Variants in KCNA5 observed in about 807,000 individuals in gnomAD.
The protein encoded by KCNA5 is cardiac potassium channel.
In KCNA5, 22 loss-of-function variants were observed where a neutral mutation model predicts 26.5. The observed-to-expected ratio is 0.83, with a 90% confidence interval of 0.59 to 1.18. KCNA5 has a LOEUF of 1.18. KCNA5 is among the 50% of genes most tolerant of loss of function. KCNA5 has a pLI of 0.00. For missense variants in KCNA5, 916 were observed against 843.2 expected, an observed-to-expected ratio of 1.09 and a Z score of -1.07; for synonymous variants, 465 against 372.8, an observed-to-expected ratio of 1.25 and a Z score of -2.85.
Position 5,044,058 on chromosome 12 carries a change from G to A in KCNA5, c.-90G>A. On this transcript the variant is annotated 5_prime_UTR_variant, in exon 1 of 1. Transcript: ENST00000252321. Reference sequence around the variant, plus strand: ...AGAGAGGGGCCGGCCGACCGCTGGAGCGGAGCCTGACGCCAGGCGCCCGCG... The same window carrying A: ...AGAGAGGGGCCGGCCGACCGCTGGAACGGAGCCTGACGCCAGGCGCCCGCG... 1 of 1,432,100 alleles carries A rather than the reference G, an allele frequency of 7.0e-7. No individual in the cohort carries two copies. The highest frequency in any genetic ancestry group is 1.2e-5 in the South Asian group (1 of 81,084). 88.7% of individuals were successfully genotyped at this position (1,432,100 alleles called of 1,614,324 possible).
Position 5,045,738 on chromosome 12 carries a change from G to C in KCNA5, c.1591G>C (p.Glu531Gln). The change falls in exon 1 of 1, where the codon GAG becomes CAG. Residue 531 changes from glutamate to glutamine, a missense_variant. Coordinates refer to ENST00000252321, the MANE Select transcript of KCNA5 (RefSeq NM_002234.4). The surrounding 1 kb of genome is among the most constrained non-coding windows in gnomAD (Gnocchi z 5.6). ...CTACCACCGGGAAACGGATCACGAG[G>C]AGCCGGCAGTCCTTAAGGAAGAGCA... ...YFYHRETDHEEPAVLKEEQGT... is the reference protein window; with the variant it reads ...YFYHRETDHEQPAVLKEEQGT... The C allele has an allele frequency of 6.2e-7, 1 of 1,614,154 alleles. No homozygotes were observed. The highest frequency in any genetic ancestry group is 8.5e-7 in the Non-Finnish European group (1 of 1,180,038).
At position 5,044,601 on chromosome 12, in the gene KCNA5, C is replaced by A. The variant is rs751395749; in HGVS notation, c.454C>A (p.Arg152Ser). 10 of 1,613,952 alleles carry A rather than the reference C, an allele frequency of 6.2e-6. No individual in the cohort carries two copies. The highest frequency in any genetic ancestry group is 1.3e-5 in the African/African-American group (1 of 74,930). ...CACACTCCTGGGGGACCCCGCCAAG[C>A]GCCTGCGCTACTTCGACCCCCTGAG... ...PNTLLGDPAK[R>S]LRYFDPLRNE... Residue 152 changes from arginine (R) to serine (S), a missense_variant, in exon 1 of 1, where the codon CGC becomes AGC. Arg to Ser is a moderately radical substitution (Grantham distance 110). Transcript: ENST00000252321.
chr12:5,044,128 A>G lies in KCNA5; in HGVS notation c.-20A>G. The G allele has an allele frequency of 6.5e-7, 1 of 1,533,944 alleles. No homozygotes were observed. Among genetic ancestry groups the G allele is most frequent in the Non-Finnish European group, 8.7e-7 (1 of 1,146,346 alleles). ...GGGAGCCGGTCAGCTGGGGCGCAGCATGCCCTCTGCTCCCGCGCCATGGAG... is the reference window on the plus strand; with the variant it reads ...GGGAGCCGGTCAGCTGGGGCGCAGCGTGCCCTCTGCTCCCGCGCCATGGAG... On this transcript the variant is annotated 5_prime_UTR_variant, in exon 1 of 1. It removes an upstream start codon present in the reference 5' UTR. Transcript: ENST00000252321.
rs765380398 is a variant in KCNA5 at position 5,044,749 on chromosome 12, G to T, written c.602G>T (p.Arg201Leu). Residue 201 changes from arginine to leucine, a missense_variant, in exon 1 of 1, where the codon CGC becomes CTC. Arg to Leu is a moderately radical substitution (Grantham distance 102). Coordinates refer to ENST00000252321, the MANE Select transcript of KCNA5 (RefSeq NM_002234.4). ...CTGGACGTGTTCGCGGACGAGATAC[G>T]CTTCTACCAGCTGGGGGACGAGGCC... ...VSLDVFADEI[R>L]FYQLGDEAME... The T allele has an allele frequency of 3.1e-6, 5 of 1,613,998 alleles. No individual in the cohort carries two copies. Among genetic ancestry groups the T allele is most frequent in the African/African-American group, 1.3e-5 (1 of 74,924 alleles).
At position 5,044,327 on chromosome 12, in the gene KCNA5, G is replaced by T; in HGVS notation, c.180G>T (p.Ala60=). ...AGGGGCGCGGCGCGCAGAGAGACGC[G>T]GACTCGGGAGTGCGGCCCTTGCCTC... is the stretch of plus-strand genomic sequence containing the variant. ...APKGRGAQRD[A]DSGVRPLPPL... Residue 60 remains alanine, a synonymous_variant, in exon 1 of 1, where the codon GCG becomes GCT. Transcript: ENST00000252321. 1 of 1,550,704 alleles carries T rather than the reference G, an allele frequency of 6.4e-7. No individual in the cohort carries two copies.
Position 5,044,532 on chromosome 12 carries a change from C to A in KCNA5, c.385C>A (p.Leu129Met). 6.2e-7 allele frequency: 1 copy of A among 1,613,712 alleles called. No individual in the cohort carries two copies. Among genetic ancestry groups the A allele is most frequent in the Non-Finnish European group, 8.5e-7 (1 of 1,179,946 alleles). The change falls in exon 1 of 1, where the codon CTG (leucine) becomes ATG (methionine). Residue 129 changes from leucine to methionine, a missense_variant. Coordinates refer to ENST00000252321, the MANE Select transcript of KCNA5 (RefSeq NM_002234.4). ...HQRVHINISG[L>M]RFETQLGTLA... Reference sequence around the variant, plus strand: ...GCGCGTCCACATCAACATCTCCGGGCTGCGCTTTGAGACGCAGCTGGGCAC... The same window carrying A: ...GCGCGTCCACATCAACATCTCCGGGATGCGCTTTGAGACGCAGCTGGGCAC...
chr12:5,045,121 T>TCATC lies in KCNA5; in HGVS notation c.975_978dup (p.Val327HisfsTer133). On this transcript the variant is annotated frameshift_variant, in exon 1 of 1. Coordinates refer to ENST00000252321, the MANE Select transcript of KCNA5 (RefSeq NM_002234.4). LOFTEE classifies it high-confidence loss of function. This position sits in a 1 kb window ranked among gnomAD's most constrained non-coding sequence, Gnocchi z 5.6. ...CCCAGGACCCTGGCCGACCCCTTCT[T>TCATC]CATCGTGGAGACCACGTGCGTCATC... is the stretch of plus-strand genomic sequence containing the variant. 6.2e-7 allele frequency: 1 copy of TCATC among 1,613,900 alleles called. No individual in the cohort carries two copies. The highest frequency in any genetic ancestry group is 8.5e-7 in the Non-Finnish European group (1 of 1,179,962).
chr12:5,044,456 C>A lies in KCNA5; in HGVS notation c.309C>A (p.Gly103=). 1 of 1,610,980 alleles carries A rather than the reference C, an allele frequency of 6.2e-7. No individual in the cohort carries two copies. Among genetic ancestry groups the A allele is most frequent in the Non-Finnish European group, 8.5e-7 (1 of 1,179,100 alleles). Residue 103 remains glycine (G), a synonymous_variant, in exon 1 of 1, where the codon GGC becomes GGA. Coordinates refer to ENST00000252321, the MANE Select transcript of KCNA5 (RefSeq NM_002234.4). ...ACGAGGAGGAAGAAGGCGATCCCGG[C>A]CTGGGCACGGTGGAGGACCAGGCTC... ...PEDEEEEGDP[G]LGTVEDQALG...
Position 5,044,510 on chromosome 12 carries a change from C to T in KCNA5, c.363C>T (p.Arg121=). The change falls in exon 1 of 1, where the codon CGC becomes CGT. Residue 121 remains arginine (R), a synonymous_variant. Coordinates refer to ENST00000252321, the MANE Select transcript of KCNA5 (RefSeq NM_002234.4). ...GCACGGCGTCCCTGCACCACCAGCG[C>T]GTCCACATCAACATCTCCGGGCTGC... is the stretch of plus-strand genomic sequence containing the variant. The part of the protein sequence containing the change: ...ALGTASLHHQ[R]VHINISGLRF... 1 of 1,612,972 alleles carries T rather than the reference C, an allele frequency of 6.2e-7. No individual in the cohort carries two copies.
rs1862741364 is a variant in KCNA5 at position 5,044,191 on chromosome 12, C to T, written c.44C>T (p.Thr15Ile). 5 of 1,537,356 alleles carry T rather than the reference C, an allele frequency of 3.3e-6. No homozygotes were observed. In the African/African-American group the frequency reaches 4.1e-5, roughly 13 times the overall value. The part of the protein sequence containing the change: ...LVPLENGGAM[T>I]VRGGDEARAG... ...CCCCTGGAGAACGGCGGTGCCATGA[C>T]CGTCAGAGGAGGCGATGAGGCCCGG... Residue 15 changes from threonine to isoleucine, a missense_variant, in exon 1 of 1, where the codon ACC (threonine) becomes ATC (isoleucine). Transcript: ENST00000252321.
chr12:5,046,372 T>C lies in KCNA5; in HGVS notation c.*383T>C. On this transcript the variant is annotated 3_prime_UTR_variant, in exon 1 of 1. Coordinates refer to ENST00000252321, the MANE Select transcript of KCNA5 (RefSeq NM_002234.4). ...ATGTGTTCCAAATTTGCTTTACATA[T>C]GATTGTATTTGTGTATAGGGGAAAA... 3 of 286,810 alleles carry C rather than the reference T, an allele frequency of 1.0e-5. No homozygotes were observed. In the South Asian group the frequency reaches 1.5e-4, roughly 14 times the overall value. 17.8% of individuals were successfully genotyped at this position (286,810 alleles called of 1,614,324 possible). A position where few individuals can be genotyped will look rare whatever the true frequency, so the allele number is the denominator to read the frequency against.
Position 5,046,050 on chromosome 12 carries a change from A to G in KCNA5, c.*61A>G. On this transcript the variant is annotated 3_prime_UTR_variant, in exon 1 of 1. Coordinates refer to ENST00000252321, the MANE Select transcript of KCNA5 (RefSeq NM_002234.4). ...GGAATGGGAGGCTTGCTGAACATGG[A>G]TATCTACATTATACCGCAGAGTATT... The G allele has an allele frequency of 6.3e-7, 1 of 1,589,534 alleles. No homozygotes were observed. Among genetic ancestry groups the G allele is most frequent in the Admixed American group, 1.7e-5 (1 of 59,534 alleles).
At position 5,045,599 on chromosome 12, in the gene KCNA5, G is replaced by A; in HGVS notation, c.1452G>A (p.Gly484=). ...TCACCATGACCACTGTGGGCTACGGGGACATGAGGCCCATCACTGTTGGGG... is the reference window on the plus strand; with the variant it reads ...TCACCATGACCACTGTGGGCTACGGAGACATGAGGCCCATCACTGTTGGGG... The part of the protein sequence containing the change: ...AVVTMTTVGY[G]DMRPITVGGK... Residue 484 remains glycine, a synonymous_variant, in exon 1 of 1, where the codon GGG becomes GGA. Transcript: ENST00000252321. The surrounding 1 kb of genome is among the most constrained non-coding windows in gnomAD (Gnocchi z 5.6). 1 of 1,614,226 alleles carries A rather than the reference G, an allele frequency of 6.2e-7. No individual in the cohort carries two copies. The highest frequency in any genetic ancestry group is 1.3e-5 in the African/African-American group (1 of 75,064).
chr12:5,046,286 A>G lies in KCNA5; in HGVS notation c.*297A>G. 1 of 447,318 alleles carries G rather than the reference A, an allele frequency of 2.2e-6. No homozygotes were observed. Among genetic ancestry groups the G allele is most frequent in the South Asian group, 2.4e-5 (1 of 41,486 alleles). The allele number at this position is 447,318 out of a possible 1,614,324, so 27.7% of individuals were successfully genotyped here. On this transcript the variant is annotated 3_prime_UTR_variant, in exon 1 of 1. Transcript: ENST00000252321. The stretch of plus-strand genomic sequence containing the variant: ...GTCTCCTATACCCAGCAGAGGGATA[A>G]CCCAAACAAAAATGACTCTAAATAG...
At position 5,044,793 on chromosome 12, in the gene KCNA5, G is replaced by C. The variant is rs761101833; in HGVS notation, c.646G>C (p.Asp216His). 10 of 1,614,188 alleles carry C rather than the reference G, an allele frequency of 6.2e-6. 1 individual carries two copies. In the South Asian group the frequency reaches 1.1e-4, roughly 18 times the overall value. The change falls in exon 1 of 1, where the codon GAT becomes CAT. Residue 216 changes from aspartate to histidine, a missense_variant. Transcript: ENST00000252321. ...GDEAMERFRE[D>H]EGFIKEEEKP... ...CGAGGCCATGGAGCGCTTCCGCGAG[G>C]ATGAGGGCTTCATTAAAGAAGAGGA...
rs17215402 is a variant in KCNA5 at position 5,045,076 on chromosome 12, C to T, written c.929C>T (p.Pro310Leu). 10,835 of 1,613,068 alleles carry T rather than the reference C, an allele frequency of 6.7e-3. 44 individuals are homozygous for T. The highest frequency in any genetic ancestry group is 8.1e-3 in the Non-Finnish European group (9,594 of 1,179,650). ...GSGVMAPPSG[P>L]TVAPLLPRTL... ...GGGGTCATGGCCCCGCCCTCTGGCCCTACGGTGGCACCGCTCCTGCCCAGG... is the reference window on the plus strand; with the variant it reads ...GGGGTCATGGCCCCGCCCTCTGGCCTTACGGTGGCACCGCTCCTGCCCAGG... The change falls in exon 1 of 1, where the codon CCT (proline) becomes CTT (leucine). Residue 310 changes from proline to leucine, a missense_variant. Physicochemically the swap from Pro to Leu is moderately conservative, Grantham distance 98. Coordinates refer to ENST00000252321, the MANE Select transcript of KCNA5 (RefSeq NM_002234.4). This position sits in a 1 kb window ranked among gnomAD's most constrained non-coding sequence, Gnocchi z 5.6.
chr12:5,045,173 C>T lies in KCNA5; in HGVS notation c.1026C>T (p.Arg342=). The stretch of plus-strand genomic sequence containing the variant: ...GGTTCACCTTCGAGCTGCTCGTGCG[C>T]TTCTTCGCCTGCCCCAGCAAGGCAG... ...VIWFTFELLV[R]FFACPSKAGF... is the part of the protein sequence containing the mutation. The change falls in exon 1 of 1, where the codon CGC becomes CGT. Residue 342 remains arginine (R), a synonymous_variant. Transcript: ENST00000252321. This position sits in a 1 kb window ranked among gnomAD's most constrained non-coding sequence, Gnocchi z 5.6. 4 of 1,614,186 alleles carry T rather than the reference C, an allele frequency of 2.5e-6. No homozygotes were observed. Among genetic ancestry groups the T allele is most frequent in the Non-Finnish European group, 3.4e-6 (4 of 1,180,040 alleles).
In KCNA5 at chr12:5,045,134, C is replaced by A. The variant is rs1295313708; in HGVS notation, c.987C>A (p.Thr329=). The change falls in exon 1 of 1, where the codon ACC becomes ACA. Residue 329 remains threonine (T), a synonymous_variant. Coordinates refer to ENST00000252321, the MANE Select transcript of KCNA5 (RefSeq NM_002234.4). The surrounding 1 kb of genome is among the most constrained non-coding windows in gnomAD (Gnocchi z 5.6). The stretch of plus-strand genomic sequence containing the variant: ...CCGACCCCTTCTTCATCGTGGAGAC[C>A]ACGTGCGTCATCTGGTTCACCTTCG... The part of the protein sequence containing the change: ...TLADPFFIVE[T]TCVIWFTFEL... 1 of 1,613,976 alleles carries A rather than the reference C, an allele frequency of 6.2e-7. No individual in the cohort carries two copies. Among genetic ancestry groups the A allele is most frequent in the African/African-American group, 1.3e-5 (1 of 74,930 alleles).
rs1229050065 is a variant in KCNA5 at position 5,045,657 on chromosome 12, G to A, written c.1510G>A (p.Gly504Arg). The change falls in exon 1 of 1, where the codon GGG becomes AGG. Residue 504 changes from glycine to arginine, a missense_variant. By Grantham distance (125) the Gly-to-Arg change is moderately radical. Coordinates refer to ENST00000252321, the MANE Select transcript of KCNA5 (RefSeq NM_002234.4). The surrounding 1 kb of genome is among the most constrained non-coding windows in gnomAD (Gnocchi z 5.6). Reference sequence around the variant, plus strand: ...CGTGGGCTCGCTGTGTGCCATCGCCGGGGTCCTCACCATTGCCCTGCCTGT... The same window carrying A: ...CGTGGGCTCGCTGTGTGCCATCGCCAGGGTCCTCACCATTGCCCTGCCTGT... ...KIVGSLCAIA[G>R]VLTIALPVPV... 3.1e-6 allele frequency: 5 copies of A among 1,614,052 alleles called. No individual in the cohort carries two copies. Among genetic ancestry groups the A allele is most frequent in the African/African-American group, 2.7e-5 (2 of 74,914 alleles).
Sources: gnomAD v4.1 joint callset for allele counts on GRCh38, gnomAD v4.1.1 for gene constraint, Gnocchi (gnomAD v3.1) non-coding constraint, MANE v1.5 for transcripts, NCBI Gene and HGNC (gene_info 2026-07-23, HGNC 2026-07-21) for gene names.